RNF212: variants seen among roughly 807,000 people sequenced by gnomAD.
RNF212 encodes ring finger protein 212.
A neutral mutation model predicts 34.7 loss-of-function variants in RNF212; 33 were observed. The ratio of observed to expected loss-of-function variants is 0.95; its 90% CI spans 0.72 to 1.27. RNF212 has a LOEUF of 1.27. Among genes scored for constraint, RNF212 ranks in the 50% most tolerant of loss-of-function variants. RNF212 has a pLI of 0.00. For synonymous variants in RNF212, 140 were observed against 136.1 expected (o/e 1.03, Z -0.20); for missense variants, 377 against 362.2 (o/e 1.04, Z -0.33).
chr4:1,081,700 A>C (rs760146447), intron 5 of RNF212, 81 bp from the exon 6 acceptor site: 20 of 980,406 alleles, frequency 2.0e-5, no homozygotes, highest in South Asian at 5.4e-5. Flanking sequence ...AAGTGTAAGA[A>C]GGCTCTGAAT....
downstream of RNF212, among the ~76,000 whole-genome samples, chr4:1,070,833 A>C (rs369042634): frequency 3.3e-5 from 5 of 152,304 alleles, no homozygotes; most frequent in East Asian, 9.6e-4. Flanking sequence ...AAATTAACAA[A>C]ATGTTAACAT....
intron 3 of RNF212, among the ~76,000 whole-genome samples, chr4:1,092,187 C>T (rs543521429): frequency 3.3e-5 from 5 of 152,366 alleles, no homozygotes; most frequent in Admixed American, 1.3e-4. Context: ...CCAGCAGACG[C>T]GCCTCATCCC....
intron 3 of RNF212, among the ~76,000 whole-genome samples, chr4:1,065,617 G>A (rs908857649): frequency 6.6e-6 from 1 of 151,964 alleles, no homozygotes. Flanking sequence ...ACAGGTTTAC[G>A]CCACCAGCCT....
At chr4:1,067,867 C>CAA (rs1183457508), downstream of RNF212, among the ~76,000 whole-genome samples, 72 of 60,598 alleles carry the variant, frequency 1.2e-3, no homozygotes, top group African/African-American at 3.4e-3. Flanking sequence ...GACTCTGTCT[C>CAA]AAAAAAAAAA....
chr4:1,059,144 C>T (rs1392641424), intron 3 of RNF212, among the ~76,000 whole-genome samples: 2 of 152,330 alleles, frequency 1.3e-5, no homozygotes, highest in East Asian at 1.9e-4. Context: ...CTGCCTGCTG[C>T]GGCACGTCGG....
chr4:1,108,267 G>A, intron 2 of RNF212, 76 bp downstream of exon 2: 4 of 993,006 alleles, frequency 4.0e-6, no homozygotes, highest in Non-Finnish European at 5.9e-6. Context: ...CACCACAAAT[G>A]ACTAAAAATT....
chr4:1,061,741 G>A (rs879322229), intron 3 of RNF212, among the ~76,000 whole-genome samples: 1 of 152,176 alleles, frequency 6.6e-6, no homozygotes, highest in Non-Finnish European at 1.5e-5. Context: ...ACACATCTGC[G>A]GCTGCCGTGG....
At chr4:1,103,776 T>C (rs1201761562) in intron 2 of RNF212, among the ~76,000 whole-genome samples, 1 of 152,174 alleles carries the variant, frequency 6.6e-6, no homozygotes, top group Non-Finnish European at 1.5e-5. Context: ...GATGCACATA[T>C]AATACTTGAT....
intron 8 of RNF212, 23 bp downstream of exon 8, chr4:1,079,620 C>A (rs748166312): frequency 6.4e-7 from 1 of 1,550,618 alleles, no homozygotes; most frequent in Non-Finnish European, 8.9e-7. Context: ...TACAGAGGAA[C>A]TCAGCAGGAG....
intron 1 of RNF212, among the ~76,000 whole-genome samples, chr4:1,109,804 A>T (rs761918705): frequency 1.3e-5 from 2 of 152,106 alleles, no homozygotes; most frequent in Non-Finnish European, 2.9e-5. Context: ...CATCTCTTCC[A>T]GCCCAAGCCC....
chr4:1,073,252 T>C, intron 9 of RNF212, 59 bp from the exon 10 acceptor site: 1 of 1,585,636 alleles, frequency 6.3e-7, no homozygotes, highest in Middle Eastern at 1.8e-4. Context: ...CTGAGGTGGA[T>C]GTGTGCTGAG....
At chr4:1,093,867 G>A (rs1577753375) in intron 3 of RNF212, 1 of 1,536,262 alleles carries the variant, frequency 6.5e-7, no homozygotes, top group Non-Finnish European at 8.7e-7. Context: ...CGGCATCCTG[G>A]TCTGGGTGCC....
intron 2 of RNF212, among the ~76,000 whole-genome samples, chr4:1,098,608 A>T (rs968228375): frequency 1.2e-4 from 18 of 152,206 alleles, no homozygotes; most frequent in Non-Finnish European, 2.5e-4. Context: ...CACAAGCAGT[A>T]TGTCCAACAC....
At position 1,071,707 on chromosome 4, in the gene RNF212, A is replaced by C. The variant is rs1718513006; in HGVS notation, c.*1167T>G. 1 of 152,264 alleles carries C rather than the reference A, an allele frequency of 6.6e-6. No homozygotes were observed. The highest frequency in any genetic ancestry group is 1.5e-5 in the Non-Finnish European group (1 of 68,042). The allele number at this position is 152,264 out of a possible 1,614,324, so 9.4% of individuals were successfully genotyped here. A position where few individuals can be genotyped will look rare whatever the true frequency, so the allele number is the denominator to read the frequency against. ...AGTCATATGTTATCAATGAAATGCAAAATAAAACAGCAAGATACCACTACA... is the reference window on the plus strand; with the variant it reads ...AGTCATATGTTATCAATGAAATGCACAATAAAACAGCAAGATACCACTACA... On this transcript the variant is annotated 3_prime_UTR_variant, in exon 10 of 10. Coordinates refer to ENST00000433731, the MANE Select transcript of RNF212 (RefSeq NM_001131034.4).
intron 3 of RNF212, among the ~76,000 whole-genome samples, chr4:1,095,010 A>C (rs1290025246): frequency 6.6e-6 from 1 of 152,222 alleles, no homozygotes; most frequent in Non-Finnish European, 1.5e-5. Context: ...TTTGCTGATC[A>C]AATATCTTCA....
chr4:1,075,413 CAG>C (rs899466349), intron 8 of RNF212, among the ~76,000 whole-genome samples: 70 of 152,314 alleles, frequency 4.6e-4, no homozygotes, highest in African/African-American at 1.6e-3. Flanking sequence ...AGGCTACAAT[CAG>C]GGTGGGAGGC....
chr4:1,097,163 C>G (rs139919196), intron 2 of RNF212, among the ~76,000 whole-genome samples: 1 of 152,184 alleles, frequency 6.6e-6, no homozygotes, highest in African/African-American at 2.4e-5. Flanking sequence ...TCCAGCCCAG[C>G]CTCCTCCTTT....
chr4:1,109,936 CTCT>C, intron 1 of RNF212, among the ~76,000 whole-genome samples: 2 of 152,328 alleles, frequency 1.3e-5, no homozygotes, highest in South Asian at 4.1e-4. Flanking sequence ...CTCCTTTCCT[CTCT>C]TCTTCAAGTT....
At position 1,078,237 on chromosome 4, in the gene RNF212, G is replaced by A. The variant is rs541443305; in HGVS notation, c.510+1406C>T. On this transcript the variant is annotated intron_variant, in intron 8 of 9. Coordinates refer to ENST00000433731, the MANE Select transcript of RNF212 (RefSeq NM_001131034.4). ...GCACTGTGGAACACAGGCATTCACC[G>A]CCGCCAGAACACACTCAGTTTTCCT... 6.6e-5 allele frequency among the ~76,000 whole-genome samples: 10 copies of A among 152,276 alleles called. No individual in the cohort carries two copies. In the East Asian group the frequency reaches 1.7e-3, roughly 26 times the overall value.
Sources: gnomAD v4.1 joint callset for allele counts (sites outside exome capture counted in the v4.1 genomes callset) on GRCh38, gnomAD v4.1.1 for gene constraint, MANE v1.5 for transcripts, NCBI Gene and HGNC (gene_info 2026-07-23, HGNC 2026-07-21) for gene names.